Variants in CEP97 observed in about 807,000 individuals in gnomAD.
The protein encoded by CEP97 is centrosomal protein of 97 kDa.
Under a neutral mutation model 73.1 loss-of-function variants are expected in CEP97, and 43 were observed. The observed-to-expected ratio is 0.59, with a 90% CI of 0.46 to 0.76. The LOEUF (loss-of-function observed/expected upper bound fraction) is 0.76. Among genes scored for constraint, CEP97 ranks in the 30% least tolerant of loss-of-function variants. CEP97 has a pLI of 0.00. For missense variants in CEP97, 939 were observed against 1,014.0 expected, an observed-to-expected ratio of 0.93 and a Z score of 1.00; for synonymous variants, 337 against 370.0, an observed-to-expected ratio of 0.91 and a Z score of 1.02.
chr3:101,725,694 A>G (rs2108363247), intron 1 of CEP97, among the ~76,000 whole-genome samples: 1 of 152,296 alleles, frequency 6.6e-6, no homozygotes, highest in African/African-American at 2.4e-5. Context: ...TATTTCCTGC[A>G]GTAGTCCTAA....
chr3:101,743,503 G>A (rs891417904), intron 6 of CEP97, among the ~76,000 whole-genome samples: 7 of 152,070 alleles, frequency 4.6e-5, no homozygotes, highest in Admixed American at 3.3e-4. Flanking sequence ...TGAAGGGACC[G>A]TCCTGTCTCA....
At chr3:101,760,513 T>C (rs1214520138) in intron 9 of CEP97, among the ~76,000 whole-genome samples, 8 of 152,030 alleles carry the variant, frequency 5.3e-5, no homozygotes, top group Admixed American at 5.2e-4. Context: ...GCTGAAGATA[T>C]TTGAGAGGGA....
At chr3:101,756,959 G>A (rs1288775425) in intron 7 of CEP97, 104 bp from the exon 8 acceptor site, 14 of 1,064,136 alleles carry the variant, frequency 1.3e-5, no homozygotes, top group Non-Finnish European at 1.9e-5. Flanking sequence ...TACCTACTTT[G>A]AGAACTTGTA....
Position 101,765,217 on chromosome 3 carries a change from A to G in CEP97, c.2264A>G (p.His755Arg). 1 of 1,614,236 alleles carries G rather than the reference A, an allele frequency of 6.2e-7. No homozygotes were observed. The highest frequency in any genetic ancestry group is 8.5e-7 in the Non-Finnish European group (1 of 1,180,034). Residue 755 changes from histidine (H) to arginine (R), a missense_variant, in exon 11 of 11, where the codon CAT becomes CGT. Physicochemically the swap from His to Arg is conservative, Grantham distance 29. Transcript: ENST00000341893. ...GATTTAGGGGATGTTAGTGAAGAAC[A>G]TGGTGAATGGAATAAGGAAAGCTCA... ...ESDLGDVSEEHGEWNKESSNN... is the reference protein window; with the variant it reads ...ESDLGDVSEERGEWNKESSNN...
chr3:101,729,642 C>T (rs1379555430), intron 4 of CEP97, among the ~76,000 whole-genome samples: 3 of 152,030 alleles, frequency 2.0e-5, no homozygotes, highest in East Asian at 3.9e-4. Context: ...TGTAGTAGTA[C>T]AATCTCACTC....
chr3:101,761,384 G>A (rs1027660860), intron 9 of CEP97, among the ~76,000 whole-genome samples: 2 of 152,192 alleles, frequency 1.3e-5, no homozygotes, highest in Admixed American at 1.3e-4. Context: ...CTGACATGGG[G>A]TGGATTATTG....
At chr3:101,747,645 CT>C (rs1938665180) in intron 6 of CEP97, among the ~76,000 whole-genome samples, 1 of 151,410 alleles carries the variant, frequency 6.6e-6, no homozygotes, top group East Asian at 1.9e-4. Flanking sequence ...CAACCTCTGC[CT>C]CCTTGGTTCA....
Position 101,728,856 on chromosome 3 carries a change from C to T in CEP97, c.366C>T (p.Ser122=), listed in dbSNP as rs1222107735. ...NNLKAMEQIN[S]CTALQHLDLS... The stretch of plus-strand genomic sequence containing the variant: ...GATAGGCCATGGAACAGATCAATAG[C>T]TGCACAGCTCTACAGCATCTCGATT... Residue 122 remains serine (S), a synonymous_variant, in exon 4 of 11, where the codon AGC becomes AGT. Coordinates refer to ENST00000341893, the MANE Select transcript of CEP97 (RefSeq NM_024548.4). 3.1e-6 allele frequency: 5 copies of T among 1,606,660 alleles called. No individual in the cohort carries two copies. Among genetic ancestry groups the T allele is most frequent in the South Asian group, 1.1e-5 (1 of 90,930 alleles).
At chr3:101,736,819 A>G (rs1223532694) in intron 6 of CEP97, among the ~76,000 whole-genome samples, 1 of 152,256 alleles carries the variant, frequency 6.6e-6, no homozygotes, top group African/African-American at 2.4e-5. Context: ...GCTTGCCAGC[A>G]AAAGAACAAA....
chr3:101,757,979 C>G lies in CEP97; in HGVS notation c.1373C>G (p.Ala458Gly), dbSNP rs1392042338. ...LDKEEEQPLW[A>G]ANENSVQMMR... ...AAGGAAGAGGAACAGCCTTTATGGG[C>G]TGCAAATGAGAATTCTGTTCAAATG... The change falls in exon 9 of 11, where the codon GCT becomes GGT. Residue 458 changes from alanine (A) to glycine (G), a missense_variant. Physicochemically the swap from Ala to Gly is moderately conservative, Grantham distance 60. Transcript: ENST00000341893. 3 of 1,614,072 alleles carry G rather than the reference C, an allele frequency of 1.9e-6. No homozygotes were observed. In the East Asian group the frequency reaches 6.7e-5, roughly 36 times the overall value.
intron 6 of CEP97, among the ~76,000 whole-genome samples, chr3:101,749,675 A>G (rs1938741166): frequency 6.9e-6 from 1 of 144,272 alleles, no homozygotes; most frequent in African/African-American, 2.6e-5. Flanking sequence ...TGACTTTTTA[A>G]TGATTGCCAT....
chr3:101,724,792 C>G, intron 1 of CEP97, 73 bp downstream of exon 1: 1 of 1,517,094 alleles, frequency 6.6e-7, no homozygotes, highest in South Asian at 1.1e-5. Context: ...AGCAGAAAAC[C>G]TAGGTTTAGA....
At chr3:101,741,059 C>T (rs2107151190) in intron 6 of CEP97, among the ~76,000 whole-genome samples, 1 of 152,306 alleles carries the variant, frequency 6.6e-6, no homozygotes, top group East Asian at 1.9e-4. Flanking sequence ...CAGTGTAGTA[C>T]TGGTACCAAA....
intron 6 of CEP97, among the ~76,000 whole-genome samples, chr3:101,739,295 A>G (rs1938373313): frequency 6.6e-6 from 1 of 152,214 alleles, no homozygotes; most frequent in Non-Finnish European, 1.5e-5. Context: ...AAAGAAAAAG[A>G]GGGACTCCTC....
intron 7 of CEP97, among the ~76,000 whole-genome samples, chr3:101,756,637 C>T (rs901294137): frequency 1.3e-5 from 2 of 152,052 alleles, no homozygotes; most frequent in East Asian, 1.9e-4. Context: ...CTTGGCCTCC[C>T]AAAGTGCTGG....
In CEP97 at chr3:101,765,658, A is replaced by C. The variant is rs1359964967; in HGVS notation, c.*107A>C. On this transcript the variant is annotated 3_prime_UTR_variant, in exon 11 of 11. Coordinates refer to ENST00000341893, the MANE Select transcript of CEP97 (RefSeq NM_024548.4). ...ACTCCCTACCCCTAATTTTGTTACT[A>C]CTTATATAGAATTTGTATTCATGTC... 2 of 788,258 alleles carry C rather than the reference A, an allele frequency of 2.5e-6. No homozygotes were observed. The highest frequency in any genetic ancestry group is 3.5e-5 in the African/African-American group (2 of 56,912). The allele number at this position is 788,258 out of a possible 1,614,324, so 48.8% of individuals were successfully genotyped here.
At position 101,758,000 on chromosome 3, in the gene CEP97, A is replaced by G. The variant is rs1168467281; in HGVS notation, c.1394A>G (p.Gln465Arg). ...TGGGCTGCAAATGAGAATTCTGTTCAAATGATGAGAAGTGAAATCAATACA... is the reference window on the plus strand; with the variant it reads ...TGGGCTGCAAATGAGAATTCTGTTCGAATGATGAGAAGTGAAATCAATACA... ...PLWAANENSV[Q>R]MMRSEINTEV... Residue 465 changes from glutamine (Q) to arginine (R), a missense_variant, in exon 9 of 11, where the codon CAA (glutamine) becomes CGA (arginine). Transcript: ENST00000341893. 6 of 1,614,132 alleles carry G rather than the reference A, an allele frequency of 3.7e-6. No individual in the cohort carries two copies. The highest frequency in any genetic ancestry group is 5.1e-6 in the Non-Finnish European group (6 of 1,180,046).
chr3:101,748,954 T>G (rs150758521), intron 6 of CEP97, among the ~76,000 whole-genome samples: 1,832 of 152,320 alleles, frequency 0.012, 19 homozygotes, highest in Non-Finnish European at 0.022. Flanking sequence ...GAAGGAATAC[T>G]TCTAATTATC....
In CEP97 at chr3:101,755,503, C is replaced by T. The variant is rs748594646; in HGVS notation, c.802C>T (p.Gln268Ter). Residue 268 changes from glutamine to a stop codon, truncating the protein, a stop_gained, in exon 7 of 11, where the codon CAA becomes TAA. Coordinates refer to ENST00000341893, the MANE Select transcript of CEP97 (RefSeq NM_024548.4). LOFTEE classifies it high-confidence loss of function. Reference protein sequence around the residue: ...YRPGQHIQLVQYLATVCPLTS... With the variant: ...YRPGQHIQLV ...GCCTGGCCAGCACATCCAGCTTGTC[C>T]AATATCTGGCTACAGTCTGCCCCCT... 1 of 1,614,078 alleles carries T rather than the reference C, an allele frequency of 6.2e-7. No individual in the cohort carries two copies. Among genetic ancestry groups the T allele is most frequent in the East Asian group, 2.2e-5 (1 of 44,884 alleles).
Sources: allele counts gnomAD v4.1 joint callset (sites outside exome capture counted in the v4.1 genomes callset), GRCh38; gene constraint gnomAD v4.1.1; transcripts MANE v1.5; gene names NCBI Gene and HGNC (gene_info 2026-07-23, HGNC 2026-07-21).